The following ENTREP2 variants were observed in gnomAD, a reference collection of about 807,000 sequenced individuals.
ENTREP2 encodes protein ENTREP2.
the ENTREP2 span, among the ~76,000 whole-genome samples, chr15:29,388,558 C>T: frequency 6.6e-6 from 1 of 152,170 alleles, no homozygotes; most frequent in South Asian, 2.1e-4. Context: ...GACAGTGTGG[C>T]AATTCCTCAG....
At chr15:29,136,704 A>G in the ENTREP2 span, among the ~76,000 whole-genome samples, 1,253 of 151,568 alleles carry the variant, frequency 8.3e-3, 8 homozygotes, top group Non-Finnish European at 0.013. Flanking sequence ...CATTTTCAAT[A>G]AACTCTACTG....
chr15:29,400,524 A>C, the ENTREP2 span, among the ~76,000 whole-genome samples: 2 of 152,226 alleles, frequency 1.3e-5, no homozygotes, highest in African/African-American at 4.8e-5. Flanking sequence ...CGCAATAAGA[A>C]GTGCTAGGGC....
chr15:29,605,435 C>T, the ENTREP2 span, among the ~76,000 whole-genome samples: 3 of 152,164 alleles, frequency 2.0e-5, no homozygotes, highest in African/African-American at 4.8e-5. Context: ...GCTATTCACA[C>T]TCTTCTGAGT....
the ENTREP2 span, among the ~76,000 whole-genome samples, chr15:29,411,306 C>A: frequency 6.6e-6 from 1 of 152,084 alleles, no homozygotes; most frequent in African/African-American, 2.4e-5. Flanking sequence ...GTGGTCCCAC[C>A]CATTTCCACT....
chr15:29,479,273 T>C, the ENTREP2 span, among the ~76,000 whole-genome samples: 2 of 151,490 alleles, frequency 1.3e-5, no homozygotes, highest in Admixed American at 6.6e-5. Context: ...CCCCATGGTA[T>C]GCGGTTGCTC....
the ENTREP2 span, among the ~76,000 whole-genome samples, chr15:29,322,157 T>C: frequency 1.3e-5 from 2 of 152,170 alleles, no homozygotes; most frequent in Admixed American, 1.3e-4. Flanking sequence ...ATTTTTTAAT[T>C]GACAAACTTA....
At chr15:29,532,511 C>T in the ENTREP2 span, among the ~76,000 whole-genome samples, 1 of 152,168 alleles carries the variant, frequency 6.6e-6, no homozygotes, top group Non-Finnish European at 1.5e-5. Flanking sequence ...GTAATTACAA[C>T]ACCAGCTGTT....
the ENTREP2 span, among the ~76,000 whole-genome samples, chr15:29,346,462 G>C: frequency 6.7e-6 from 1 of 149,124 alleles, no homozygotes; most frequent in Non-Finnish European, 1.5e-5. Context: ...GACAGTAGAA[G>C]AGAAGGGACC....
At chr15:29,490,406 C>T in the ENTREP2 span, among the ~76,000 whole-genome samples, 91 of 152,274 alleles carry the variant, frequency 6.0e-4, no homozygotes, top group African/African-American at 2.1e-3. Context: ...AGAACCCAAA[C>T]AGTTTGCGGC....
the ENTREP2 span, among the ~76,000 whole-genome samples, chr15:29,188,299 G>A: frequency 6.6e-6 from 1 of 152,028 alleles, no homozygotes; most frequent in Non-Finnish European, 1.5e-5. Context: ...GAACATGCAG[G>A]TTTGTTACAT....
At chr15:29,234,031 AG>A in the ENTREP2 span, 3 of 1,472,114 alleles carry the variant, frequency 2.0e-6, no homozygotes, top group African/African-American at 2.8e-5. Context: ...CTCTGGGTCA[AG>A]ATCTTCCTCA....
chr15:29,371,910 A>G, the ENTREP2 span, among the ~76,000 whole-genome samples: 2 of 118,626 alleles, frequency 1.7e-5, no homozygotes. Context: ...AAAAATAAAT[A>G]AATAGATAGA....
the ENTREP2 span, among the ~76,000 whole-genome samples, chr15:29,409,893 T>C: frequency 6.6e-6 from 1 of 152,244 alleles, no homozygotes. Flanking sequence ...AAACGTTGAA[T>C]GACATCTTCA....
the ENTREP2 span, among the ~76,000 whole-genome samples, chr15:29,505,925 G>A: frequency 2.8e-5 from 4 of 142,592 alleles, no homozygotes; most frequent in Admixed American, 1.4e-4. The surrounding 1 kb of genome is among the most constrained non-coding windows in gnomAD (Gnocchi z 4.3). Context: ...ATGAACTGAC[G>A]GAAGTAGGCT....
the ENTREP2 span, among the ~76,000 whole-genome samples, chr15:29,598,680 A>G: frequency 7.2e-6 from 1 of 139,470 alleles, no homozygotes; most frequent in Non-Finnish European, 1.6e-5. Context: ...GTGACCTAAA[A>G]TCTTTTTTTT....
At chr15:29,409,114 G>A in the ENTREP2 span, among the ~76,000 whole-genome samples, 1 of 152,134 alleles carries the variant, frequency 6.6e-6, no homozygotes, top group African/African-American at 2.4e-5. Context: ...TTTGTTATGT[G>A]CCTACATGGT....
the ENTREP2 span, among the ~76,000 whole-genome samples, chr15:29,247,757 G>A: frequency 1.4e-4 from 22 of 152,166 alleles, no homozygotes; most frequent in East Asian, 3.3e-3. Flanking sequence ...AGTAGCCCAT[G>A]TGTGACTGAA....
At chr15:29,668,657 C>T in the ENTREP2 span, among the ~76,000 whole-genome samples, 12 of 152,174 alleles carry the variant, frequency 7.9e-5, no homozygotes, top group Admixed American at 2.6e-4. Flanking sequence ...GCTGATGCCC[C>T]GAATTTGATG....
At chr15:29,336,701 C>T in the ENTREP2 span, among the ~76,000 whole-genome samples, 9 of 152,298 alleles carry the variant, frequency 5.9e-5, no homozygotes, top group Non-Finnish European at 1.2e-4. Context: ...CACGTGCTCA[C>T]GTATGCCATC....
Sources: gnomAD v4.1 joint callset for allele counts (sites outside exome capture counted in the v4.1 genomes callset) on GRCh38, gnomAD v4.1.1 for gene constraint, Gnocchi (gnomAD v3.1) non-coding constraint, MANE v1.5 for transcripts, NCBI Gene and HGNC (gene_info 2026-07-23, HGNC 2026-07-21) for gene names.